NCKAP5: variants seen among roughly 807,000 people sequenced by gnomAD.
NCKAP5 encodes nck-associated protein 5.
A neutral mutation model predicts 167.0 loss-of-function variants in NCKAP5; 92 were observed. The ratio of observed to expected loss-of-function variants is 0.55; its 90% confidence interval spans 0.47 to 0.66. The LOEUF (loss-of-function observed/expected upper bound fraction) is 0.66. NCKAP5 is among the 30% of genes least tolerant of loss of function. NCKAP5 has a pLI of 0.00. For synonymous variants in NCKAP5, 891 were observed against 877.4 expected, an observed-to-expected ratio of 1.02 and a Z score of -0.27; for missense variants, 2,378 against 2,315.0, an observed-to-expected ratio of 1.03 and a Z score of -0.56.
intron 1 of NCKAP5, among the ~76,000 whole-genome samples, chr2:133,567,669 G>C (rs963486675): frequency 2.0e-5 from 3 of 148,644 alleles, no homozygotes; most frequent in Admixed American, 6.7e-5. Flanking sequence ...GTGTGTGTGT[G>C]TGTGTGTGTG....
At chr2:132,885,071 C>T (rs1012504964) in intron 8 of NCKAP5, among the ~76,000 whole-genome samples, 13 of 151,950 alleles carry the variant, frequency 8.6e-5, no homozygotes, top group African/African-American at 3.1e-4. Context: ...CTACATATCC[C>T]ATGGGACAAA....
chr2:132,870,067 A>C (rs1690683726), intron 9 of NCKAP5, among the ~76,000 whole-genome samples: 1 of 152,196 alleles, frequency 6.6e-6, no homozygotes, highest in Non-Finnish European at 1.5e-5. Context: ...CAATCTTGGC[A>C]ATTCCAGTGA....
At chr2:133,605,955 A>G in the NCKAP5 span, among the ~76,000 whole-genome samples, 1 of 152,238 alleles carries the variant, frequency 6.6e-6, no homozygotes, top group Non-Finnish European at 1.5e-5. Flanking sequence ...GCCAAAGCAT[A>G]TACTCACTAA....
Position 133,508,111 on chromosome 2 carries a change from G to C in NCKAP5, c.69+9347C>G, listed in dbSNP as rs1216913719. Among the ~76,000 whole-genome samples, 4 of 152,122 alleles carry C rather than the reference G, an allele frequency of 2.6e-5. No individual in the cohort carries two copies. In the South Asian group the frequency reaches 6.2e-4, roughly 24 times the overall value. ...GAGGAGTCAGGAGGGGTGGTCAGAGGGGGCAAGAGGAAAGTTAGGACAATA... is the reference window on the plus strand; with the variant it reads ...GAGGAGTCAGGAGGGGTGGTCAGAGCGGGCAAGAGGAAAGTTAGGACAATA... On this transcript the variant is annotated intron_variant, in intron 3 of 19. Coordinates refer to ENST00000409261, the MANE Select transcript of NCKAP5 (RefSeq NM_207363.3).
At chr2:133,062,284 A>C (rs1233699901) in intron 6 of NCKAP5, among the ~76,000 whole-genome samples, 7 of 152,202 alleles carry the variant, frequency 4.6e-5, no homozygotes, top group Non-Finnish European at 1.0e-4. Flanking sequence ...ACAAAAACCA[A>C]AAAGTTAACG....
At chr2:133,616,428 G>C in the NCKAP5 span, among the ~76,000 whole-genome samples, 4 of 151,948 alleles carry the variant, frequency 2.6e-5, no homozygotes, top group African/African-American at 9.7e-5. Flanking sequence ...GAAAAAAAGA[G>C]AGAAGAATCA....
intron 3 of NCKAP5, among the ~76,000 whole-genome samples, chr2:133,324,949 C>A (rs1328067372): frequency 6.6e-6 from 1 of 152,156 alleles, no homozygotes; most frequent in Non-Finnish European, 1.5e-5. Context: ...CTCAGGTGAT[C>A]CACATGCCTT....
intron 7 of NCKAP5, among the ~76,000 whole-genome samples, chr2:132,977,610 G>A (rs751116251): frequency 1.4e-4 from 22 of 152,210 alleles, no homozygotes; most frequent in Non-Finnish European, 2.9e-4. Flanking sequence ...AGAAGAGCTC[G>A]AATAAGATGC....
At chr2:133,637,710 A>T in the NCKAP5 span, among the ~76,000 whole-genome samples, 1 of 152,124 alleles carries the variant, frequency 6.6e-6, no homozygotes, top group Non-Finnish European at 1.5e-5. Flanking sequence ...AGCAAATAGA[A>T]CCAATGACAT....
intron 2 of NCKAP5, among the ~76,000 whole-genome samples, chr2:133,519,169 C>T (rs941627595): frequency 6.6e-6 from 1 of 152,148 alleles, no homozygotes; most frequent in African/African-American, 2.4e-5. Context: ...AAACTATAGT[C>T]AATCATGAGA....
chr2:133,087,530 A>G (rs2081033707), intron 6 of NCKAP5, among the ~76,000 whole-genome samples: 2 of 152,182 alleles, frequency 1.3e-5, no homozygotes, highest in Non-Finnish European at 2.9e-5. Context: ...TAATGATCTA[A>G]TTTGTATTCC....
At chr2:133,046,714 C>A (rs1430573599) in intron 6 of NCKAP5, among the ~76,000 whole-genome samples, 1 of 151,994 alleles carries the variant, frequency 6.6e-6, no homozygotes, top group Non-Finnish European at 1.5e-5. Context: ...AGAGAAACTA[C>A]CTAGCTTCTA....
intron 4 of NCKAP5, among the ~76,000 whole-genome samples, chr2:133,233,560 T>C (rs2087251637): frequency 6.6e-6 from 1 of 152,218 alleles, no homozygotes; most frequent in Non-Finnish European, 1.5e-5. Flanking sequence ...CCTAGTTTCA[T>C]ATACATTATA....
intron 3 of NCKAP5, among the ~76,000 whole-genome samples, chr2:133,364,207 T>C (rs570668724): frequency 4.6e-4 from 70 of 152,192 alleles, no homozygotes; most frequent in Non-Finnish European, 8.4e-4. Context: ...CAAAACCTTG[T>C]CTGCTTGACT....
intron 12 of NCKAP5, among the ~76,000 whole-genome samples, chr2:132,795,839 C>CAAAAA (rs1246383506): frequency 9.0e-6 from 1 of 110,672 alleles, no homozygotes; most frequent in Non-Finnish European, 1.8e-5. Context: ...AAAAAAAAAA[C>CAAAAA]AAAAAAAACA....
At chr2:133,453,877 G>T (rs1031417898) in intron 3 of NCKAP5, among the ~76,000 whole-genome samples, 5 of 151,492 alleles carry the variant, frequency 3.3e-5, no homozygotes, top group African/African-American at 1.2e-4. Flanking sequence ...AAACAAGAAA[G>T]AATTACAGGA....
intron 8 of NCKAP5, among the ~76,000 whole-genome samples, chr2:132,940,934 T>G (rs914342878): frequency 6.6e-6 from 1 of 152,040 alleles, no homozygotes; most frequent in Non-Finnish European, 1.5e-5. Context: ...ATATTTATAA[T>G]TAAAAGAAAC....
chr2:132,919,792 G>T (rs1372006992), intron 8 of NCKAP5, among the ~76,000 whole-genome samples: 1 of 152,120 alleles, frequency 6.6e-6, no homozygotes, highest in African/African-American at 2.4e-5. Context: ...TCAACTCTAG[G>T]GAAATTTAGG....
intron 10 of NCKAP5, among the ~76,000 whole-genome samples, chr2:132,866,513 T>C (rs954211037): frequency 8.5e-5 from 13 of 152,156 alleles, no homozygotes; most frequent in Admixed American, 1.3e-4. Context: ...TAAACTAAAT[T>C]ACTTGACGAG....
Sources: gnomAD v4.1 joint callset for allele counts (sites outside exome capture counted in the v4.1 genomes callset) on GRCh38, gnomAD v4.1.1 for gene constraint, MANE v1.5 for transcripts, NCBI Gene and HGNC (gene_info 2026-07-23, HGNC 2026-07-21) for gene names.